The following PPP2R5E variants were observed in gnomAD, a reference collection of about 807,000 sequenced individuals.
PPP2R5E encodes serine/threonine-protein phosphatase 2A 56 kDa regulatory subunit epsilon isoform.
A neutral mutation model predicts 65.3 loss-of-function variants in PPP2R5E; 4 were observed. That is an observed-to-expected ratio of 0.06 (90% confidence interval 0.03 to 0.14). The LOEUF is 0.14. PPP2R5E is among the 10% of genes least tolerant of loss of function. The pLI, the probability that PPP2R5E is intolerant of heterozygous loss-of-function variation, is 1.00. For synonymous variants in PPP2R5E, 183 were observed against 187.4 expected (o/e 0.98, Z 0.19); for missense variants, 274 against 556.1 (o/e 0.49, Z 5.10).
At chr14:63,394,034 CAACAT>C (rs1043153172) in intron 7 of PPP2R5E, 106 bp from the exon 8 acceptor site, 31 of 374,482 alleles carry the variant, frequency 8.3e-5, no homozygotes, top group Non-Finnish European at 1.4e-4. Flanking sequence ...TTGTACAAAA[CAACAT>C]AATACCCACC....
chr14:63,392,241 T>A (rs1885066014), intron 8 of PPP2R5E, among the ~76,000 whole-genome samples: 2 of 152,182 alleles, frequency 1.3e-5, no homozygotes, highest in Non-Finnish European at 2.9e-5. Flanking sequence ...GAACTTTTCT[T>A]TAAAAAAGAG....
chr14:63,407,578 C>A (rs1235134645), intron 5 of PPP2R5E, among the ~76,000 whole-genome samples: 1 of 151,948 alleles, frequency 6.6e-6, no homozygotes, highest in East Asian at 1.9e-4. Flanking sequence ...ATAGAGATAT[C>A]TAAAAAATAG....
In PPP2R5E at chr14:63,373,902, A is replaced by G. The variant is rs1380828523; in HGVS notation, c.*2107T>C. 1.3e-5 allele frequency: 2 copies of G among 152,044 alleles called. No homozygotes were observed. Among genetic ancestry groups the G allele is most frequent in the East Asian group, 3.9e-4 (2 of 5,186 alleles). 9.4% of individuals were successfully genotyped at this position (152,044 alleles called of 1,614,324 possible). A position where few individuals can be genotyped will look rare whatever the true frequency, so the allele number is the denominator to read the frequency against. ...AGGGCTAAAAAGGAGAAGATTTGTT[A>G]CAAATTTATTTTTTATCACATTGTT... On this transcript the variant is annotated 3_prime_UTR_variant, in exon 14 of 14. Coordinates refer to ENST00000337537, the MANE Select transcript of PPP2R5E (RefSeq NM_006246.5).
At chr14:63,418,306 C>A (rs916342012) in intron 4 of PPP2R5E, among the ~76,000 whole-genome samples, 1 of 152,176 alleles carries the variant, frequency 6.6e-6, no homozygotes, top group African/African-American at 2.4e-5. Flanking sequence ...TCTAAGCTGG[C>A]CTGTGGACTG....
At chr14:63,522,596 GC>G (rs1357697317) in intron 2 of PPP2R5E, among the ~76,000 whole-genome samples, 2 of 137,430 alleles carry the variant, frequency 1.5e-5, no homozygotes, top group Non-Finnish European at 3.2e-5. Flanking sequence ...CTGCCCCGCC[GC>G]CCCGTCTGGG....
intron 4 of PPP2R5E, 124 bp from the exon 5 acceptor site, chr14:63,415,356 C>T: frequency 3.7e-6 from 2 of 538,596 alleles, no homozygotes; most frequent in Non-Finnish European, 6.2e-6. Context: ...TATCAATCAA[C>T]AAACCAGGCC....
At chr14:63,499,916 A>G (rs553887078) in intron 2 of PPP2R5E, among the ~76,000 whole-genome samples, 9 of 152,158 alleles carry the variant, frequency 5.9e-5, no homozygotes, top group Admixed American at 5.9e-4. Context: ...TTCCTAGCCC[A>G]ATATCTCCAG....
chr14:63,449,258 A>C (rs1358988942), intron 3 of PPP2R5E, among the ~76,000 whole-genome samples: 6 of 152,218 alleles, frequency 3.9e-5, no homozygotes, highest in Non-Finnish European at 1.5e-5. Context: ...GAATTAGAGA[A>C]CTTAAGAACC....
intron 2 of PPP2R5E, among the ~76,000 whole-genome samples, chr14:63,488,068 G>A (rs117762257): frequency 0.032 from 4,894 of 151,944 alleles, 115 homozygotes; most frequent in Non-Finnish European, 0.047. Flanking sequence ...TCTATTATTC[G>A]CTCTCATGTT....
intron 12 of PPP2R5E, among the ~76,000 whole-genome samples, 181 bp from the exon 13 acceptor site, chr14:63,382,338 A>G (rs1165116003): frequency 1.3e-5 from 2 of 152,114 alleles, no homozygotes; most frequent in Non-Finnish European, 2.9e-5. Context: ...AGAGATTTCA[A>G]GGCAAGATAA....
At chr14:63,511,672 ATGGTGT>A (rs1474908023) in intron 2 of PPP2R5E, among the ~76,000 whole-genome samples, 2 of 152,204 alleles carry the variant, frequency 1.3e-5, no homozygotes, top group African/African-American at 4.8e-5. Context: ...TAGAATGGGT[ATGGTGT>A]TGATGAGCTG....
At chr14:63,436,028 G>A (rs1039410703) in intron 3 of PPP2R5E, among the ~76,000 whole-genome samples, 1 of 152,146 alleles carries the variant, frequency 6.6e-6, no homozygotes, top group African/African-American at 2.4e-5. Flanking sequence ...GCAGGCCCTC[G>A]TACCGCCTGG....
chr14:63,403,507 AAAG>A (rs2139824914), intron 5 of PPP2R5E, among the ~76,000 whole-genome samples: 1 of 152,188 alleles, frequency 6.6e-6, no homozygotes, highest in East Asian at 1.9e-4. Flanking sequence ...ATGCTCCACC[AAAG>A]AAGAAGTTAA....
intron 1 of PPP2R5E, among the ~76,000 whole-genome samples, chr14:63,542,525 G>T (rs1469097852): frequency 2.0e-5 from 3 of 152,118 alleles, no homozygotes; most frequent in Non-Finnish European, 2.9e-5. Flanking sequence ...ATAAAGGGGG[G>T]CAAGAAAACG....
At chr14:63,423,502 T>C (rs1215868601) in intron 3 of PPP2R5E, among the ~76,000 whole-genome samples, 1 of 152,142 alleles carries the variant, frequency 6.6e-6, no homozygotes, top group Non-Finnish European at 1.5e-5. Context: ...CCCACTCATC[T>C]TTCTCCTAAT....
rs1201298694 is a variant in PPP2R5E, at chr14:63,382,172, A to G, written c.1203-15T>C. ...CCACAATAGCCCTGGAAAGCACAGA[A>G]AAAAAGGAGTGTGTTAGTTAGTCTT... On this transcript the variant is annotated splice_polypyrimidine_tract_variant and intron_variant, in intron 12 of 13. Coordinates refer to ENST00000337537, the MANE Select transcript of PPP2R5E (RefSeq NM_006246.5). The G allele has an allele frequency of 6.3e-7, 1 of 1,599,002 alleles. No homozygotes were observed. The highest frequency in any genetic ancestry group is 8.6e-7 in the Non-Finnish European group (1 of 1,167,776).
intron 4 of PPP2R5E, among the ~76,000 whole-genome samples, chr14:63,418,168 T>A (rs1187995113): frequency 6.6e-6 from 1 of 152,192 alleles, no homozygotes; most frequent in Non-Finnish European, 1.5e-5. Flanking sequence ...CAGAGAATTG[T>A]TCCTTTTCTA....
At chr14:63,384,671 G>A in intron 11 of PPP2R5E, 100 bp from the exon 12 acceptor site, 1 of 988,680 alleles carries the variant, frequency 1.0e-6, no homozygotes, top group Non-Finnish European at 1.5e-6. Context: ...AAGGCTATTT[G>A]TAAATCATTC....
chr14:63,394,405 AG>A (rs112502343), intron 7 of PPP2R5E, among the ~76,000 whole-genome samples: 3,879 of 152,242 alleles, frequency 0.025, 168 homozygotes, highest in African/African-American at 0.089. Context: ...AATGACTTCA[AG>A]GAATACAAAA....
Sources: allele counts gnomAD v4.1 joint callset (sites outside exome capture counted in the v4.1 genomes callset), GRCh38; gene constraint gnomAD v4.1.1; transcripts MANE v1.5; gene names NCBI Gene and HGNC (gene_info 2026-07-23, HGNC 2026-07-21).